Variants in DAPK2 observed in about 807,000 individuals in gnomAD.
DAPK2 encodes the protein death associated protein kinase 2.
DAPK2 carries 35 observed loss-of-function variants against 44.1 expected under a neutral mutation model. That is an observed-to-expected ratio of 0.79 (90% CI 0.61 to 1.05). The LOEUF is 1.05. DAPK2 is among the 50% of genes least tolerant of loss of function. The pLI, the probability that DAPK2 is intolerant of heterozygous loss-of-function variation, is 0.00. For synonymous variants in DAPK2, 174 were observed against 182.6 expected, an observed-to-expected ratio of 0.95 and a Z score of 0.38; for missense variants, 453 against 483.2, an observed-to-expected ratio of 0.94 and a Z score of 0.59.
At chr15:63,935,280 AG>A (rs1435316007) in intron 4 of DAPK2, among the ~76,000 whole-genome samples, 1 of 151,404 alleles carries the variant, frequency 6.6e-6, no homozygotes, top group Non-Finnish European at 1.5e-5. Context: ...TAGTAGAGAC[AG>A]GGTTTCACCA....
chr15:63,998,297 C>T (rs2079000576), intron 1 of DAPK2, among the ~76,000 whole-genome samples: 1 of 152,222 alleles, frequency 6.6e-6, no homozygotes, highest in Non-Finnish European at 1.5e-5. Context: ...CAGTCATGGG[C>T]TCCCACATGG....
At chr15:64,029,785 T>C (rs539716979) in intron 1 of DAPK2, 1 of 152,462 alleles carries the variant, frequency 6.6e-6, no homozygotes, top group African/African-American at 2.4e-5. Context: ...ACACACCCAC[T>C]TACCTTTTAG....
At chr15:63,957,166 A>G (rs1170079293) in intron 3 of DAPK2, among the ~76,000 whole-genome samples, 2 of 152,230 alleles carry the variant, frequency 1.3e-5, no homozygotes, top group African/African-American at 4.8e-5. Flanking sequence ...TTTTATCATT[A>G]TATAATGGCT....
intron 1 of DAPK2, among the ~76,000 whole-genome samples, chr15:64,028,231 G>T (rs553881452): frequency 6.6e-6 from 1 of 152,220 alleles, no homozygotes; most frequent in East Asian, 1.9e-4. Context: ...GCTAATTTTT[G>T]TATTTTTAGT....
At position 63,908,519 on chromosome 15, in the gene DAPK2, G is replaced by A; in HGVS notation, c.*1C>T. 6.3e-7 allele frequency: 1 copy of A among 1,587,998 alleles called. No individual in the cohort carries two copies. The highest frequency in any genetic ancestry group is 1.7e-4 in the Middle Eastern group (1 of 6,018). On this transcript the variant is annotated 3_prime_UTR_variant, in exon 11 of 11. Coordinates refer to ENST00000261891, the Ensembl canonical transcript of DAPK2. The surrounding 1 kb of genome is among the most constrained non-coding windows in gnomAD (Gnocchi z 5.7). ...CTGGCGGCCACTGCAGGTCAGGCCAGTTAGGAGGTGCTGCTCCTCCTCCGT... is the reference window on the plus strand; with the variant it reads ...CTGGCGGCCACTGCAGGTCAGGCCAATTAGGAGGTGCTGCTCCTCCTCCGT...
rs71394533 is a variant in DAPK2, at chr15:63,966,534, C to G, written c.453+4889G>C. ...ATTGCAGTCCTTGTGGCCTAGACTT[C>G]CGTTCAAGTTTACTTAGAAACCCAG... On this transcript the variant is annotated intron_variant, in intron 3 of 10. Transcript: ENST00000261891. The surrounding 1 kb of genome is among the most constrained non-coding windows in gnomAD (Gnocchi z 5.5). 6.6e-6 allele frequency among the ~76,000 whole-genome samples: 1 copy of G among 152,204 alleles called. No homozygotes were observed. The highest frequency in any genetic ancestry group is 1.5e-5 in the Non-Finnish European group (1 of 68,036).
At chr15:63,950,279 G>A (rs139940751) in intron 3 of DAPK2, among the ~76,000 whole-genome samples, 5 of 152,184 alleles carry the variant, frequency 3.3e-5, no homozygotes, top group African/African-American at 1.2e-4. Flanking sequence ...GTGGTGGTGC[G>A]ATCACAGCTC....
At chr15:64,014,859 G>A (rs1408221427) in intron 1 of DAPK2, among the ~76,000 whole-genome samples, 1 of 151,422 alleles carries the variant, frequency 6.6e-6, no homozygotes, top group Non-Finnish European at 1.5e-5. Context: ...GGTGGAGGTT[G>A]CAGTGAGCTG....
At chr15:63,977,476 G>A (rs1265299006) in intron 2 of DAPK2, among the ~76,000 whole-genome samples, 2 of 152,140 alleles carry the variant, frequency 1.3e-5, no homozygotes, top group South Asian at 4.2e-4. Context: ...GGACATGTGA[G>A]AGTTCTAGGG....
chr15:64,008,190 G>A (rs1050655953), intron 1 of DAPK2, among the ~76,000 whole-genome samples: 2 of 134,170 alleles, frequency 1.5e-5, no homozygotes, highest in African/African-American at 6.0e-5. Flanking sequence ...ATAAATGGGT[G>A]AATTGTATAT....
At chr15:64,027,388 C>CA (rs543117463) in intron 1 of DAPK2, among the ~76,000 whole-genome samples, 1 of 148,816 alleles carries the variant, frequency 6.7e-6, no homozygotes, top group Non-Finnish European at 1.5e-5. Flanking sequence ...TGTCTCAAAA[C>CA]AAAAAAACAA....
At chr15:63,986,219 T>C (rs973157985) in intron 1 of DAPK2, among the ~76,000 whole-genome samples, 6 of 152,200 alleles carry the variant, frequency 3.9e-5, no homozygotes, top group African/African-American at 1.4e-4. Flanking sequence ...CTCAGAGACT[T>C]ATGCTTTCAC....
chr15:63,947,444 T>C (rs2077479037), intron 3 of DAPK2, among the ~76,000 whole-genome samples: 1 of 152,168 alleles, frequency 6.6e-6, no homozygotes, highest in Non-Finnish European at 1.5e-5. Flanking sequence ...AATAAAGAAA[T>C]GGGCCAATGC....
chr15:63,947,697 G>A (rs563949046), intron 3 of DAPK2, among the ~76,000 whole-genome samples: 6 of 152,248 alleles, frequency 3.9e-5, no homozygotes, highest in African/African-American at 7.2e-5. Flanking sequence ...TGGCCTATAG[G>A]TGTTATCATA....
At position 63,980,582 on chromosome 15, in the gene DAPK2, T is replaced by C; in HGVS notation, c.314+2951A>G. Among the ~76,000 whole-genome samples, 1 of 152,176 alleles carries C rather than the reference T, an allele frequency of 6.6e-6. No individual in the cohort carries two copies. The highest frequency in any genetic ancestry group is 1.9e-4 in the East Asian group (1 of 5,192). On this transcript the variant is annotated intron_variant, in intron 2 of 10. Transcript: ENST00000261891. The surrounding 1 kb of genome is among the most constrained non-coding windows in gnomAD (Gnocchi z 4.3). Reference sequence around the variant, plus strand: ...CCCATTCCTGGGGATGTTAGCTAAATCCTCAGGACTTTGCTGAAAGAATTA... The same window carrying C: ...CCCATTCCTGGGGATGTTAGCTAAACCCTCAGGACTTTGCTGAAAGAATTA...
chr15:63,988,165 C>T (rs903516212), intron 1 of DAPK2, among the ~76,000 whole-genome samples: 6 of 152,182 alleles, frequency 3.9e-5, no homozygotes, highest in Non-Finnish European at 8.8e-5. Flanking sequence ...GCTCCTCACT[C>T]ACTCAGCACC....
rs766222950 is a variant in DAPK2, at chr15:63,908,499, G to A, written c.*21C>T. On this transcript the variant is annotated 3_prime_UTR_variant, in exon 11 of 11. Transcript: ENST00000261891. The surrounding 1 kb of genome is among the most constrained non-coding windows in gnomAD (Gnocchi z 5.7). Reference sequence around the variant, plus strand: ...CCCGCTGGGCCCAGACCTCCCTGGCGGCCACTGCAGGTCAGGCCAGTTAGG... The same window carrying A: ...CCCGCTGGGCCCAGACCTCCCTGGCAGCCACTGCAGGTCAGGCCAGTTAGG... 3.8e-5 allele frequency: 59 copies of A among 1,544,642 alleles called. 1 individual carries two copies. The highest frequency in any genetic ancestry group is 2.0e-4 in the South Asian group (17 of 83,638).
chr15:63,936,979 C>CAAAAAAAA (rs56052031), intron 4 of DAPK2, among the ~76,000 whole-genome samples: 1 of 129,818 alleles, frequency 7.7e-6, no homozygotes. Context: ...GACCCTGTCT[C>CAAAAAAAA]AAAAAAAAAA....
intron 1 of DAPK2, among the ~76,000 whole-genome samples, chr15:64,006,701 A>G (rs756960128): frequency 1.2e-4 from 18 of 152,148 alleles, no homozygotes; most frequent in Admixed American, 2.6e-4. Flanking sequence ...CACATCACCT[A>G]TTCTCCCGGG....
Sources: allele counts gnomAD v4.1 joint callset (sites outside exome capture counted in the v4.1 genomes callset), GRCh38; gene constraint gnomAD v4.1.1; non-coding constraint Gnocchi (gnomAD v3.1); transcripts MANE v1.5; gene names NCBI Gene and HGNC (gene_info 2026-07-23, HGNC 2026-07-21).